The following DLG2 variants were observed in gnomAD, a reference collection of about 807,000 sequenced individuals.
DLG2 encodes discs large MAGUK scaffold protein 2, also known as disks large homolog 2.
DLG2 carries 45 observed loss-of-function variants against 132.5 expected under a neutral mutation model. The observed-to-expected ratio is 0.34, with a 90% CI of 0.27 to 0.44. The LOEUF is 0.44. Among genes scored for constraint, DLG2 ranks in the 20% least tolerant of loss-of-function variants. DLG2 has a pLI of 1.00. For synonymous variants in DLG2, 424 were observed against 419.6 expected, an observed-to-expected ratio of 1.01 and a Z score of -0.13; for missense variants, 1,045 against 1,196.9, an observed-to-expected ratio of 0.87 and a Z score of 1.87.
At position 83,954,429 on chromosome 11, in the gene DLG2, A is replaced by C. The variant is rs950500220; in HGVS notation, c.1340+8456T>G. On this transcript the variant is annotated intron_variant, in intron 14 of 27. Coordinates refer to ENST00000376104, the MANE Select transcript of DLG2 (RefSeq NM_001142699.3). ...AGAGAAAACTCTCCTTGAGGCTTCC[A>C]CATAATGATCTATCTGTCTCACTAG... Among the ~76,000 whole-genome samples the C allele has an allele frequency of 2.6e-5, 4 of 152,150 alleles. No individual in the cohort carries two copies. In the East Asian group the frequency reaches 7.7e-4, roughly 29 times the overall value.
chr11:83,663,605 G>GTT (rs1340431051), intron 18 of DLG2, among the ~76,000 whole-genome samples: 2 of 152,192 alleles, frequency 1.3e-5, no homozygotes, highest in Non-Finnish European at 2.9e-5. Context: ...ATGAATAAAT[G>GTT]AATGAAAGTT....
chr11:85,491,741 T>C (rs920350475), intron 3 of DLG2, among the ~76,000 whole-genome samples: 3 of 151,974 alleles, frequency 2.0e-5, no homozygotes, highest in Non-Finnish European at 2.9e-5. Flanking sequence ...GTTAAAGAAA[T>C]AATGGAAGTC....
intron 6 of DLG2, among the ~76,000 whole-genome samples, chr11:84,602,034 T>C (rs1284556903): frequency 6.6e-6 from 1 of 151,968 alleles, no homozygotes; most frequent in Non-Finnish European, 1.5e-5. Context: ...TCAGATAATA[T>C]AAAAGCATCA....
intron 5 of DLG2, among the ~76,000 whole-genome samples, chr11:85,143,330 A>G (rs1349171626): frequency 6.6e-6 from 1 of 151,550 alleles, no homozygotes; most frequent in Non-Finnish European, 1.5e-5. Flanking sequence ...ATTCTTTGGC[A>G]TATAGTTGTT....
At chr11:84,430,222 G>A (rs1276599405) in intron 7 of DLG2, among the ~76,000 whole-genome samples, 1 of 152,212 alleles carries the variant, frequency 6.6e-6, no homozygotes, top group East Asian at 1.9e-4. Context: ...TAGATCACAA[G>A]GTCAGGAGAT....
chr11:83,849,439 G>A (rs1026847790), intron 16 of DLG2, among the ~76,000 whole-genome samples: 6 of 151,568 alleles, frequency 4.0e-5, no homozygotes, highest in East Asian at 1.9e-4. Flanking sequence ...TATTATGACC[G>A]ACTTGGTCCT....
intron 4 of DLG2, among the ~76,000 whole-genome samples, chr11:85,223,597 C>T (rs1391893122): frequency 6.6e-6 from 1 of 152,086 alleles, no homozygotes; most frequent in East Asian, 1.9e-4. Context: ...TGAAATAATG[C>T]CACTGCACTC....
intron 18 of DLG2, among the ~76,000 whole-genome samples, chr11:83,664,970 A>G (rs906618206): frequency 6.6e-6 from 1 of 152,232 alleles, no homozygotes; most frequent in Non-Finnish European, 1.5e-5. Context: ...CATGGCTGAA[A>G]ATTTCTCAGT....
At chr11:85,418,352 T>C (rs1052462842) in intron 3 of DLG2, among the ~76,000 whole-genome samples, 2 of 152,186 alleles carry the variant, frequency 1.3e-5, no homozygotes, top group African/African-American at 4.8e-5. Context: ...TTAGGAGTGT[T>C]TTACTTCCAA....
chr11:85,303,602 G>C (rs1280212250), intron 3 of DLG2, among the ~76,000 whole-genome samples: 2 of 152,110 alleles, frequency 1.3e-5, no homozygotes, highest in African/African-American at 4.8e-5. Context: ...TATAATTTCT[G>C]TTACCATACT....
chr11:84,074,704 ATT>A (rs1361872197), intron 10 of DLG2, among the ~76,000 whole-genome samples: 3 of 151,560 alleles, frequency 2.0e-5, no homozygotes, highest in African/African-American at 7.3e-5. Context: ...AATTTTTTGT[ATT>A]TTTAGTACAG....
At chr11:83,811,543 A>T (rs2047292837) in intron 17 of DLG2, among the ~76,000 whole-genome samples, 1 of 152,140 alleles carries the variant, frequency 6.6e-6, no homozygotes, top group South Asian at 2.1e-4. Flanking sequence ...GTATTTCCTC[A>T]CTAAAAAGTA....
At chr11:84,969,628 A>C (rs2053794911) in intron 6 of DLG2, among the ~76,000 whole-genome samples, 2 of 152,214 alleles carry the variant, frequency 1.3e-5, no homozygotes, top group African/African-American at 4.8e-5. Context: ...GAGACTAGAA[A>C]AATAAGTTGT....
chr11:83,730,595 T>G (rs2090837045), intron 18 of DLG2, among the ~76,000 whole-genome samples: 2 of 152,126 alleles, frequency 1.3e-5, no homozygotes, highest in Admixed American at 6.5e-5. Flanking sequence ...GAACACAACT[T>G]TGGACCCTCA....
intron 6 of DLG2, among the ~76,000 whole-genome samples, chr11:84,822,745 C>A (rs2077847974): frequency 6.6e-6 from 1 of 151,840 alleles, no homozygotes; most frequent in South Asian, 2.1e-4. Context: ...CTACACTTTT[C>A]AGAAATACAA....
At chr11:83,970,998 T>G (rs1344857385) in intron 12 of DLG2, among the ~76,000 whole-genome samples, 1 of 152,226 alleles carries the variant, frequency 6.6e-6, no homozygotes, top group African/African-American at 2.4e-5. Flanking sequence ...TAATTATGTG[T>G]GTGCATTATC....
intron 11 of DLG2, among the ~76,000 whole-genome samples, chr11:84,055,015 AT>A (rs2096472595): frequency 6.6e-6 from 1 of 152,096 alleles, no homozygotes; most frequent in African/African-American, 2.4e-5. Flanking sequence ...CAATTTAAAA[AT>A]ATTTTCCCAA....
chr11:83,762,354 T>G (rs2093943862), intron 18 of DLG2, among the ~76,000 whole-genome samples: 1 of 152,248 alleles, frequency 6.6e-6, no homozygotes. Context: ...AAGACCATGC[T>G]GCAGGTGGAC....
At chr11:84,709,204 A>G (rs572377095) in intron 6 of DLG2, among the ~76,000 whole-genome samples, 64 of 152,074 alleles carry the variant, frequency 4.2e-4, no homozygotes, top group African/African-American at 1.5e-3. Flanking sequence ...CTTATCTAGC[A>G]AAGTGATGGC....
Sources: gnomAD v4.1 joint callset for allele counts (sites outside exome capture counted in the v4.1 genomes callset) on GRCh38, gnomAD v4.1.1 for gene constraint, MANE v1.5 for transcripts, NCBI Gene and HGNC (gene_info 2026-07-23, HGNC 2026-07-21) for gene names.